Variants in TMTC2 observed in about 807,000 individuals in gnomAD.
The protein encoded by TMTC2 is transmembrane O-mannosyltransferase targeting cadherins 2.
In TMTC2, 43 loss-of-function variants were observed where a neutral mutation model predicts 82.4. That is an observed-to-expected ratio of 0.52 (90% CI 0.41 to 0.67). The LOEUF is 0.67. TMTC2 is among the 30% of genes least tolerant of loss of function. TMTC2 has a pLI of 0.00. For missense variants in TMTC2, 919 were observed against 1,012.4 expected (o/e 0.91, Z 1.25); for synonymous variants, 408 against 381.9 (o/e 1.07, Z -0.80).
Position 82,896,244 on chromosome 12 carries a change from C to G in TMTC2, c.1081C>G (p.Gln361Glu). The change falls in exon 3 of 12, where the codon CAG becomes GAG. Residue 361 changes from glutamine to glutamate, a missense_variant. Gln to Glu is a conservative substitution (Grantham distance 29). Transcript: ENST00000321196. ...GHSCLSDVEY[Q>E]NSETKSSFAS... ...TAGCTGCCTTTCAGATGTGGAGTAC[C>G]AGAACTCAGAGACTAAGTCCAGCTT... 1 of 1,613,954 alleles carries G rather than the reference C, an allele frequency of 6.2e-7. No homozygotes were observed.
intron 1 of TMTC2, among the ~76,000 whole-genome samples, chr12:82,744,292 C>T (rs949384124): frequency 2.6e-5 from 4 of 152,136 alleles, no homozygotes; most frequent in Non-Finnish European, 5.9e-5. Flanking sequence ...GGCGTAGTGG[C>T]ACATGCCGTA....
At chr12:82,765,842 T>C (rs919605527) in intron 1 of TMTC2, among the ~76,000 whole-genome samples, 4 of 152,366 alleles carry the variant, frequency 2.6e-5, no homozygotes, top group Middle Eastern at 3.4e-3. Context: ...AGAATCTATG[T>C]ATTAAAAGAT....
chr12:83,072,820 C>T lies in TMTC2; in HGVS notation c.2331+10989C>T, dbSNP rs192596781. ...TTTGTCTGATATAAATATTGCTACC[C>T]CTGCTCATTTTTTGTTGCCCATTCT... On this transcript the variant is annotated intron_variant, in intron 11 of 11. Coordinates refer to ENST00000321196, the MANE Select transcript of TMTC2 (RefSeq NM_152588.3). Among the ~76,000 whole-genome samples, 981 of 152,170 alleles carry T rather than the reference C, an allele frequency of 6.4e-3. 7 individuals are homozygous for T. The highest frequency in any genetic ancestry group is 0.02 in the Middle Eastern group (6 of 294).
At chr12:82,733,148 G>A (rs771997498) in intron 1 of TMTC2, among the ~76,000 whole-genome samples, 7 of 152,068 alleles carry the variant, frequency 4.6e-5, no homozygotes, top group Non-Finnish European at 1.0e-4. Context: ...AGTAAGTTGA[G>A]TAATAGAAAT....
intron 8 of TMTC2, among the ~76,000 whole-genome samples, chr12:83,030,441 AG>A (rs961683932): frequency 3.9e-5 from 6 of 152,160 alleles, no homozygotes. Flanking sequence ...AGCAAATGAA[AG>A]GGAGAAAATA....
At chr12:82,795,820 A>T (rs541963258) in intron 1 of TMTC2, among the ~76,000 whole-genome samples, 1 of 152,150 alleles carries the variant, frequency 6.6e-6, no homozygotes, top group Admixed American at 6.6e-5. Context: ...TGGACTTCCT[A>T]GCTTGCAGAA....
chr12:82,716,633 A>T (rs1873916365), intron 1 of TMTC2, among the ~76,000 whole-genome samples: 1 of 152,118 alleles, frequency 6.6e-6, no homozygotes, highest in East Asian at 1.9e-4. Flanking sequence ...AAGTGCTGGG[A>T]TTACAGGCGT....
chr12:82,836,028 A>G lies in TMTC2; in HGVS notation c.84-20982A>G, dbSNP rs546262126. On this transcript the variant is annotated intron_variant, in intron 1 of 11. Coordinates refer to ENST00000321196, the MANE Select transcript of TMTC2 (RefSeq NM_152588.3). The stretch of plus-strand genomic sequence containing the variant: ...ACAGTGTCTGTGGGGCTCTAACACC[A>G]TGTTTCATGTTTTCCTTTGATAATC... Among the ~76,000 whole-genome samples the G allele has an allele frequency of 1.2e-4, 18 of 152,308 alleles. No individual in the cohort carries two copies. In the East Asian group the frequency reaches 3.5e-3, roughly 29 times the overall value.
intron 1 of TMTC2, among the ~76,000 whole-genome samples, chr12:82,778,722 G>C (rs530899050): frequency 1.3e-4 from 20 of 150,526 alleles, no homozygotes; most frequent in Non-Finnish European, 2.7e-4. Flanking sequence ...AGTGGCGGGC[G>C]CCTGTAGTCC....
intron 1 of TMTC2, among the ~76,000 whole-genome samples, chr12:82,730,156 A>G (rs1250589596): frequency 6.6e-6 from 1 of 152,018 alleles, no homozygotes; most frequent in Non-Finnish European, 1.5e-5. Context: ...AATCCCAGAC[A>G]CACTGGCACG....
intron 3 of TMTC2, among the ~76,000 whole-genome samples, chr12:82,928,342 C>T (rs538658350): frequency 1.3e-5 from 2 of 151,684 alleles, no homozygotes; most frequent in East Asian, 1.9e-4. Context: ...TTAAAAATTG[C>T]GTAATTATTA....
chr12:82,916,798 G>T (rs966948669), intron 3 of TMTC2, among the ~76,000 whole-genome samples: 3 of 152,042 alleles, frequency 2.0e-5, no homozygotes, highest in Non-Finnish European at 4.4e-5. Context: ...TTTAGTTTCA[G>T]ATCTATCTGA....
At chr12:82,762,195 C>T (rs1876685843) in intron 1 of TMTC2, among the ~76,000 whole-genome samples, 1 of 152,058 alleles carries the variant, frequency 6.6e-6, no homozygotes, top group African/African-American at 2.4e-5. Flanking sequence ...TCTCAAACTC[C>T]TGAACTCGTG....
At chr12:83,129,255 G>T (rs1253622360) in intron 11 of TMTC2, among the ~76,000 whole-genome samples, 1 of 152,000 alleles carries the variant, frequency 6.6e-6, no homozygotes, top group South Asian at 2.1e-4. Flanking sequence ...AGCCATTAGG[G>T]GAAGCAATTA....
intron 1 of TMTC2, among the ~76,000 whole-genome samples, chr12:82,776,736 C>G (rs932831695): frequency 6.6e-6 from 1 of 151,882 alleles, no homozygotes; most frequent in Non-Finnish European, 1.5e-5. Flanking sequence ...CACACCAGTG[C>G]ACTCCATTCT....
chr12:82,879,823 C>T (rs1167614326), intron 2 of TMTC2, among the ~76,000 whole-genome samples: 1 of 152,172 alleles, frequency 6.6e-6, no homozygotes. Flanking sequence ...AATAAACATT[C>T]ATAATTAGCG....
chr12:82,948,278 T>C (rs940021329), intron 4 of TMTC2, among the ~76,000 whole-genome samples: 1 of 152,010 alleles, frequency 6.6e-6, no homozygotes, highest in Non-Finnish European at 1.5e-5. Flanking sequence ...TGTGGGAGAA[T>C]TCCTTAAGCC....
chr12:82,780,495 G>A (rs1447309408), intron 1 of TMTC2, among the ~76,000 whole-genome samples: 4 of 151,574 alleles, frequency 2.6e-5, no homozygotes, highest in Non-Finnish European at 5.9e-5. Flanking sequence ...GATATAAAAT[G>A]TATCATACCG....
chr12:83,124,229 A>C lies in TMTC2; in HGVS notation c.2332-7981A>C, dbSNP rs1294113393. Reference sequence around the variant, plus strand: ...TCACTGCGTATCCATTGTCTGGCCGAGCACATATAATAAGTGGTCAATAAA... The same window carrying C: ...TCACTGCGTATCCATTGTCTGGCCGCGCACATATAATAAGTGGTCAATAAA... On this transcript the variant is annotated intron_variant, in intron 11 of 11. Transcript: ENST00000321196. Among the ~76,000 whole-genome samples the C allele has an allele frequency of 2.6e-5, 4 of 152,362 alleles. No homozygotes were observed. In the East Asian group the frequency reaches 7.7e-4, roughly 29 times the overall value.
Sources: gnomAD v4.1 joint callset for allele counts (sites outside exome capture counted in the v4.1 genomes callset) on GRCh38, gnomAD v4.1.1 for gene constraint, MANE v1.5 for transcripts, NCBI Gene and HGNC (gene_info 2026-07-23, HGNC 2026-07-21) for gene names.